Variants in FBXL7 observed in about 807,000 individuals in gnomAD.
The protein encoded by FBXL7 is F-box/LRR-repeat protein 7.
A neutral mutation model predicts 38.3 loss-of-function variants in FBXL7; 12 were observed. That is an observed-to-expected ratio of 0.31 (90% confidence interval 0.20 to 0.51). The LOEUF (loss-of-function observed/expected upper bound fraction) is 0.51. FBXL7 is among the 20% of genes least tolerant of loss of function. The pLI is 0.98. For missense variants in FBXL7, 567 were observed against 676.4 expected, an observed-to-expected ratio of 0.84 and a Z score of 1.79; for synonymous variants, 297 against 300.9, an observed-to-expected ratio of 0.99 and a Z score of 0.13.
chr5:15,823,321 A>G (rs990588146), intron 2 of FBXL7, among the ~76,000 whole-genome samples: 9 of 152,260 alleles, frequency 5.9e-5, no homozygotes, highest in Admixed American at 5.9e-4. Flanking sequence ...TTTAACAAGT[A>G]TAATCATTAG....
At chr5:15,759,701 T>C (rs891987928) in intron 2 of FBXL7, among the ~76,000 whole-genome samples, 2 of 152,228 alleles carry the variant, frequency 1.3e-5, no homozygotes, top group African/African-American at 2.4e-5. Flanking sequence ...TGTTCATTCA[T>C]GCATTCATTC....
chr5:15,774,150 A>G (rs1179079533), intron 2 of FBXL7, among the ~76,000 whole-genome samples: 1 of 150,730 alleles, frequency 6.6e-6, no homozygotes, highest in Non-Finnish European at 1.5e-5. Context: ...TGTTTCTTTG[A>G]TTTTTTTTTC....
intron 2 of FBXL7, among the ~76,000 whole-genome samples, chr5:15,785,891 G>A (rs1420118301): frequency 2.0e-5 from 3 of 152,250 alleles, no homozygotes; most frequent in Non-Finnish European, 4.4e-5. Context: ...GGCTTTGACT[G>A]CAGCAGCATG....
intron 1 of FBXL7, among the ~76,000 whole-genome samples, chr5:15,583,198 C>G (rs1339028654): frequency 6.6e-6 from 1 of 152,102 alleles, no homozygotes; most frequent in African/African-American, 2.4e-5. Flanking sequence ...ATCACAAGAA[C>G]AACATGGGGG....
At chr5:15,559,603 G>A (rs1386683341) in intron 1 of FBXL7, among the ~76,000 whole-genome samples, 3 of 152,196 alleles carry the variant, frequency 2.0e-5, no homozygotes, top group East Asian at 1.9e-4. Context: ...CCACATGTTC[G>A]ATGAACAAGG....
chr5:15,624,285 C>T (rs534625555), intron 2 of FBXL7, among the ~76,000 whole-genome samples: 1 of 152,262 alleles, frequency 6.6e-6, no homozygotes, highest in East Asian at 1.9e-4. Flanking sequence ...GTGTTTGGGT[C>T]CTGGGGCAGA....
In FBXL7 at chr5:15,575,128, A is replaced by G. The variant is rs368852038; in HGVS notation, c.38-40855A>G. ...CTAAAATACACAGGACAGCATCCACAACAAAGAATCATCCGGTCTGAAATG... is the reference window on the plus strand; with the variant it reads ...CTAAAATACACAGGACAGCATCCACGACAAAGAATCATCCGGTCTGAAATG... On this transcript the variant is annotated intron_variant, in intron 1 of 3. Coordinates refer to ENST00000504595, the MANE Select transcript of FBXL7 (RefSeq NM_012304.5). 1.6e-4 allele frequency among the ~76,000 whole-genome samples: 24 copies of G among 152,280 alleles called. No individual in the cohort carries two copies. In the South Asian group the frequency reaches 5.0e-3, roughly 32 times the overall value.
At chr5:15,659,217 C>A (rs1290318097) in intron 2 of FBXL7, among the ~76,000 whole-genome samples, 2 of 151,118 alleles carry the variant, frequency 1.3e-5, no homozygotes, top group Non-Finnish European at 2.9e-5. Context: ...ATCCAAATAA[C>A]AAACAGTGAA....
chr5:15,562,840 C>G (rs1447809030), intron 1 of FBXL7, among the ~76,000 whole-genome samples: 1 of 152,084 alleles, frequency 6.6e-6, no homozygotes, highest in Non-Finnish European at 1.5e-5. Context: ...AAAATCCCTG[C>G]CTTAATGGGA....
intron 2 of FBXL7, among the ~76,000 whole-genome samples, chr5:15,737,905 C>CT (rs1561106452): frequency 6.6e-6 from 1 of 152,186 alleles, no homozygotes; most frequent in Non-Finnish European, 1.5e-5. Flanking sequence ...TTTGCTCATT[C>CT]TGACATCATG....
chr5:15,810,271 A>C (rs368886058), intron 2 of FBXL7, among the ~76,000 whole-genome samples: 3 of 152,248 alleles, frequency 2.0e-5, no homozygotes, highest in East Asian at 3.9e-4. Flanking sequence ...TAATATTAAA[A>C]AGTATATGAG....
chr5:15,931,984 C>G (rs1409000896), intron 3 of FBXL7, among the ~76,000 whole-genome samples: 1 of 152,198 alleles, frequency 6.6e-6, no homozygotes, highest in Admixed American at 6.5e-5. Flanking sequence ...ACTTGGAATT[C>G]TCAACTCATG....
chr5:15,812,723 G>A (rs1737900143), intron 2 of FBXL7, among the ~76,000 whole-genome samples: 1 of 152,136 alleles, frequency 6.6e-6, no homozygotes, highest in Non-Finnish European at 1.5e-5. Context: ...ACTTTGGGCA[G>A]TATGGCCATT....
At chr5:15,675,649 T>G (rs1435851750) in intron 2 of FBXL7, among the ~76,000 whole-genome samples, 1 of 152,242 alleles carries the variant, frequency 6.6e-6, no homozygotes, top group African/African-American at 2.4e-5. Context: ...ATCACAGATT[T>G]GTTGGATTAA....
At chr5:15,871,297 T>G (rs1264779652) in intron 2 of FBXL7, among the ~76,000 whole-genome samples, 1 of 151,894 alleles carries the variant, frequency 6.6e-6, no homozygotes, top group Non-Finnish European at 1.5e-5. Flanking sequence ...CATCCAAAGG[T>G]CACCAACACC....
At chr5:15,792,325 A>G (rs555556087) in intron 2 of FBXL7, among the ~76,000 whole-genome samples, 1 of 152,272 alleles carries the variant, frequency 6.6e-6, no homozygotes, top group South Asian at 2.1e-4. Flanking sequence ...CCATGGATTC[A>G]TTGTGAACCC....
intron 2 of FBXL7, among the ~76,000 whole-genome samples, chr5:15,719,552 T>A (rs1344498693): frequency 6.7e-6 from 1 of 148,964 alleles, no homozygotes; most frequent in Non-Finnish European, 1.5e-5. Flanking sequence ...GACAATTAGT[T>A]TTCTTTATTC....
chr5:15,738,507 A>G (rs902868818), intron 2 of FBXL7, among the ~76,000 whole-genome samples: 13 of 152,172 alleles, frequency 8.5e-5, no homozygotes, highest in Non-Finnish European at 1.9e-4. Flanking sequence ...TGGGAACAAC[A>G]TGTTGGCTCT....
intron 2 of FBXL7, among the ~76,000 whole-genome samples, chr5:15,726,813 T>A (rs149679151): frequency 6.6e-6 from 1 of 152,286 alleles, no homozygotes; most frequent in Non-Finnish European, 1.5e-5. Context: ...GAGAGTTTAA[T>A]CTATTTACAT....
Sources: allele counts gnomAD v4.1 joint callset (sites outside exome capture counted in the v4.1 genomes callset), GRCh38; gene constraint gnomAD v4.1.1; transcripts MANE v1.5; gene names NCBI Gene and HGNC (gene_info 2026-07-23, HGNC 2026-07-21).